ADGRL3: variants seen among roughly 807,000 people sequenced by gnomAD.
ADGRL3 encodes calcium-independent alpha-latrotoxin receptor 3.
ADGRL3 carries 62 observed loss-of-function variants against 153.5 expected under a neutral mutation model. The observed-to-expected ratio is 0.40, with a 90% CI of 0.33 to 0.50. ADGRL3 has a LOEUF of 0.50. ADGRL3 is among the 20% of genes least tolerant of loss of function. ADGRL3 has a pLI of 0.47. For synonymous variants in ADGRL3, 710 were observed against 672.5 expected, an observed-to-expected ratio of 1.06 and a Z score of -0.86; for missense variants, 1,641 against 1,859.4, an observed-to-expected ratio of 0.88 and a Z score of 2.16.
chr4:61,851,633 A>G (rs116430740), intron 9 of ADGRL3, among the ~76,000 whole-genome samples: 1,672 of 151,712 alleles, frequency 0.011, 33 homozygotes, highest in African/African-American at 0.038. Flanking sequence ...TTTTGATTCA[A>G]TGCATTTGAG....
intron 1 of ADGRL3, among the ~76,000 whole-genome samples, chr4:61,248,646 T>A (rs1428866967): frequency 6.6e-6 from 1 of 152,190 alleles, no homozygotes; most frequent in Non-Finnish European, 1.5e-5. Flanking sequence ...TTGTCTAAAA[T>A]ACTCTTTATT....
Position 61,500,029 on chromosome 4 carries a change from C to CAGAGAGAGAGAGAGAGAG in ADGRL3, c.55+2699_55+2716dup, listed in dbSNP as rs10673228. ...ACACACACACATACACACACAGAAA[C>CAGAGAGAGAGAGAGAGAG]AGAGAGAGAGAGAGAGAGAGAGAGA... is the stretch of plus-strand genomic sequence containing the variant. On this transcript the variant is annotated intron_variant, in intron 3 of 26. Transcript: ENST00000683033. Among the ~76,000 whole-genome samples, 580 of 140,534 alleles carry CAGAGAGAGAGAGAGAGAG rather than the reference C, an allele frequency of 4.1e-3. 7 individuals are homozygous for CAGAGAGAGAGAGAGAGAG. The highest frequency in any genetic ancestry group is 7.6e-3 in the Middle Eastern group (2 of 262). The allele number at this position is 140,534 out of a possible 152,430, so 92.2% of individuals were successfully genotyped here.
intron 2 of ADGRL3, among the ~76,000 whole-genome samples, chr4:61,482,478 T>C (rs1402606902): frequency 6.6e-6 from 1 of 152,206 alleles, no homozygotes; most frequent in Non-Finnish European, 1.5e-5. Context: ...TTCTGTACAA[T>C]TTGCCAGTTT....
intron 8 of ADGRL3, among the ~76,000 whole-genome samples, chr4:61,741,160 C>A (rs962861901): frequency 1.3e-5 from 2 of 152,114 alleles, no homozygotes; most frequent in Non-Finnish European, 2.9e-5. Context: ...GAAACTGCCA[C>A]GTGTTTAATA....
chr4:62,006,032 ATTTTTT>A (rs1553908051), intron 21 of ADGRL3, among the ~76,000 whole-genome samples: 6 of 73,084 alleles, frequency 8.2e-5, no homozygotes, highest in Non-Finnish European at 1.3e-4. Context: ...ATATATATAT[ATTTTTT>A]TTTTTTTTTG....
At chr4:61,378,601 T>A (rs548132236) in intron 1 of ADGRL3, among the ~76,000 whole-genome samples, 1 of 152,128 alleles carries the variant, frequency 6.6e-6, no homozygotes, top group East Asian at 1.9e-4. Flanking sequence ...AGAATAATCT[T>A]GTCTGAGGTG....
At chr4:61,901,418 T>A (rs972140551) in intron 11 of ADGRL3, among the ~76,000 whole-genome samples, 1 of 152,232 alleles carries the variant, frequency 6.6e-6, no homozygotes, top group African/African-American at 2.4e-5. Context: ...TTGAATCCTG[T>A]CTCCTATATC....
At chr4:62,068,755 G>C (rs535510974) in intron 26 of ADGRL3, among the ~76,000 whole-genome samples, 1 of 151,920 alleles carries the variant, frequency 6.6e-6, no homozygotes, top group Non-Finnish European at 1.5e-5. Context: ...AAAATAAATC[G>C]CTTCACCCTA....
intron 5 of ADGRL3, among the ~76,000 whole-genome samples, chr4:61,675,146 A>T (rs1561044040): frequency 6.6e-6 from 1 of 151,888 alleles, no homozygotes; most frequent in Non-Finnish European, 1.5e-5. Context: ...AAGCCTGACA[A>T]ATGGTAGCCT....
intron 25 of ADGRL3, among the ~76,000 whole-genome samples, chr4:62,064,996 T>C (rs888872419): frequency 2.0e-5 from 3 of 152,134 alleles, no homozygotes; most frequent in African/African-American, 7.2e-5. Flanking sequence ...ATAGAGCTCA[T>C]TGAATTCTCT....
chr4:61,378,003 C>A (rs2096624705), intron 1 of ADGRL3, among the ~76,000 whole-genome samples: 1 of 151,926 alleles, frequency 6.6e-6, no homozygotes. Flanking sequence ...TTTCCAAAAT[C>A]TATTTTTCTT....
chr4:61,370,471 C>T (rs954210552), intron 1 of ADGRL3, among the ~76,000 whole-genome samples: 1 of 151,724 alleles, frequency 6.6e-6, no homozygotes, highest in African/African-American at 2.4e-5. Flanking sequence ...TTATTTCTGC[C>T]TTCATTTCGT....
At chr4:61,887,781 G>A (rs892863223) in intron 9 of ADGRL3, among the ~76,000 whole-genome samples, 4 of 152,126 alleles carry the variant, frequency 2.6e-5, no homozygotes, top group African/African-American at 4.8e-5. Context: ...GGAGGTGGAC[G>A]TTGCAGTGAG....
At chr4:61,856,994 T>TTCTTTCTC (rs2098279333) in intron 9 of ADGRL3, among the ~76,000 whole-genome samples, 1 of 135,978 alleles carries the variant, frequency 7.4e-6, no homozygotes, top group Non-Finnish European at 1.6e-5. Context: ...CTTTCTTTCT[T>TTCTTTCTC]TCTTTCTTTC....
intron 5 of ADGRL3, among the ~76,000 whole-genome samples, chr4:61,640,390 A>G (rs1389534530): frequency 1.3e-5 from 2 of 152,138 alleles, no homozygotes; most frequent in Admixed American, 6.6e-5. Flanking sequence ...TGTTGCCCCA[A>G]AGATCCCTGT....
At chr4:61,565,922 T>G (rs2098814565) in intron 4 of ADGRL3, among the ~76,000 whole-genome samples, 1 of 152,186 alleles carries the variant, frequency 6.6e-6, no homozygotes, top group Admixed American at 6.5e-5. Context: ...TTTTCATAGA[T>G]TACTAAACTG....
chr4:61,562,844 T>C (rs1269438632), intron 4 of ADGRL3, among the ~76,000 whole-genome samples: 2 of 150,600 alleles, frequency 1.3e-5, no homozygotes, highest in Non-Finnish European at 2.9e-5. Context: ...TTAAGAATGG[T>C]AAATCCTCAA....
intron 6 of ADGRL3, among the ~76,000 whole-genome samples, chr4:61,690,436 T>C (rs1361270321): frequency 1.4e-5 from 2 of 139,448 alleles, no homozygotes; most frequent in African/African-American, 5.1e-5. Context: ...CCCTGTCTCA[T>C]TTTTTTTTTT....
intron 5 of ADGRL3, among the ~76,000 whole-genome samples, chr4:61,640,357 A>G (rs925197763): frequency 2.6e-5 from 4 of 152,158 alleles, no homozygotes; most frequent in African/African-American, 9.7e-5. Context: ...TCTGCCCTCT[A>G]TGGTGTTAAA....
Sources: allele counts gnomAD v4.1 joint callset (sites outside exome capture counted in the v4.1 genomes callset), GRCh38; gene constraint gnomAD v4.1.1; transcripts MANE v1.5; gene names NCBI Gene and HGNC (gene_info 2026-07-23, HGNC 2026-07-21).